Variants in PCDHA4 observed in about 807,000 individuals in gnomAD.
PCDHA4 encodes the protein protocadherin alpha 4, also known as protocadherin alpha-4.
Under a neutral mutation model 61.4 loss-of-function variants are expected in PCDHA4, and 49 were observed. The ratio of observed to expected loss-of-function variants is 0.80; its 90% CI spans 0.63 to 1.01. The LOEUF (loss-of-function observed/expected upper bound fraction) is 1.01. PCDHA4 is among the 50% of genes least tolerant of loss of function. The pLI is 0.00. For synonymous variants in PCDHA4, 590 were observed against 550.3 expected (o/e 1.07, Z -1.01); for missense variants, 1,254 against 1,235.8 (o/e 1.01, Z -0.22).
rs145430316 is a variant in PCDHA4 at position 140,849,629 on chromosome 5, C to T, written c.2385+40057C>T. The T allele has an allele frequency of 6.9e-4, 1,102 of 1,598,720 alleles. 110 individuals carry two copies. The highest frequency in any genetic ancestry group is 1.2e-3 in the South Asian group (106 of 90,564). On this transcript the variant is annotated intron_variant, in intron 1 of 3. Transcript: ENST00000530339. ...CCCTGATTAGTGTGATCGACCTAGA[C>T]GCAGATGCCAACGGGCAGGTTACCT...
At chr5:140,915,626 G>GTCTCTCTCTCTCTC (rs57920489) in intron 1 of PCDHA4, among the ~76,000 whole-genome samples, 21 of 146,534 alleles carry the variant, frequency 1.4e-4, no homozygotes, top group African/African-American at 5.0e-4. Context: ...GTCTCTTTCT[G>GTCTCTCTCTCTCTC]TCTCTCTCTC....
intron 1 of PCDHA4, chr5:140,843,774 A>G: frequency 6.9e-7 from 1 of 1,457,980 alleles, no homozygotes; most frequent in Non-Finnish European, 9.4e-7. Flanking sequence ...TAGTTACTTT[A>G]AAAGTGTTTC....
intron 1 of PCDHA4, chr5:140,851,319 T>C (rs1340345627): frequency 7.1e-6 from 7 of 992,898 alleles, no homozygotes; most frequent in Non-Finnish European, 8.6e-6. Flanking sequence ...GTTACCTTGT[T>C]AAGTTTGTAG....
intron 1 of PCDHA4, among the ~76,000 whole-genome samples, chr5:140,962,950 C>T (rs2095723700): frequency 6.6e-6 from 1 of 152,152 alleles, no homozygotes; most frequent in African/African-American, 2.4e-5. Flanking sequence ...ATAAGATATG[C>T]TCTATCCCTA....
At chr5:140,852,693 C>G in intron 1 of PCDHA4, 2 of 973,482 alleles carry the variant, frequency 2.1e-6, no homozygotes, top group Non-Finnish European at 2.5e-6. Flanking sequence ...TAGTCTTATA[C>G]TTTCAAGTAT....
intron 1 of PCDHA4, chr5:140,810,897 T>C (rs1051194245): frequency 3.9e-5 from 6 of 152,186 alleles, no homozygotes; most frequent in African/African-American, 1.4e-4. Context: ...CAAAGATAAT[T>C]TTCTGTGGTA....
chr5:140,978,233 AT>A (rs1360475808), intron 1 of PCDHA4, among the ~76,000 whole-genome samples: 2 of 152,196 alleles, frequency 1.3e-5, no homozygotes, highest in African/African-American at 4.8e-5. Context: ...TTTTTCTTGG[AT>A]TTCAGCTACT....
At chr5:140,828,955 G>C (rs1770051113) in intron 1 of PCDHA4, 1 of 1,614,090 alleles carries the variant, frequency 6.2e-7, no homozygotes, top group African/African-American at 1.3e-5. Context: ...TTGCAGCCAT[G>C]GTTATTGACC....
chr5:140,823,687 G>A, intron 1 of PCDHA4: 1 of 1,614,016 alleles, frequency 6.2e-7, no homozygotes, highest in Non-Finnish European at 8.5e-7. Context: ...CTCTCTGGAT[G>A]AGACCGAAGC....
intron 1 of PCDHA4, among the ~76,000 whole-genome samples, chr5:140,918,416 C>A (rs2078685021): frequency 6.6e-6 from 1 of 152,110 alleles, no homozygotes; most frequent in Non-Finnish European, 1.5e-5. Flanking sequence ...GCCAGGACTT[C>A]CAGTAGGATG....
chr5:140,836,144 G>T (rs2150253955), intron 1 of PCDHA4: 2 of 1,613,780 alleles, frequency 1.2e-6, no homozygotes, highest in Non-Finnish European at 1.7e-6. Context: ...CTGTGGGCGC[G>T]GGCCATGTGG....
chr5:140,898,628 C>T (rs1305030651), intron 1 of PCDHA4, among the ~76,000 whole-genome samples: 2 of 152,176 alleles, frequency 1.3e-5, no homozygotes, highest in African/African-American at 4.8e-5. Context: ...TAGCATAATG[C>T]CTCCAGCTTT....
At chr5:140,850,038 G>C (rs2150464728) in intron 1 of PCDHA4, 1 of 1,596,736 alleles carries the variant, frequency 6.3e-7, no homozygotes, top group East Asian at 2.2e-5. Flanking sequence ...CGCGGAGAGC[G>C]GCAAGGTGTA....
At chr5:140,816,507 T>TTG (rs2126672374) in intron 1 of PCDHA4, 46,838 of 149,332 alleles carry the variant, frequency 0.31, 7,468 homozygotes, top group East Asian at 0.5. Flanking sequence ...GGAGGTGTGT[T>TTG]TGTGTGTGTG....
At chr5:140,954,086 C>T (rs2094976679) in intron 1 of PCDHA4, among the ~76,000 whole-genome samples, 1 of 152,212 alleles carries the variant, frequency 6.6e-6, no homozygotes, top group African/African-American at 2.4e-5. Context: ...CTTCCAGCTC[C>T]ATCCATGTCC....
chr5:140,870,352 G>C, intron 1 of PCDHA4: 8 of 1,614,226 alleles, frequency 5.0e-6, no homozygotes, highest in Non-Finnish European at 5.9e-6. Context: ...CCGCGAGAAC[G>C]TGTGGGCCTA....
At chr5:140,980,615 C>T (rs1182621837) in intron 2 of PCDHA4, among the ~76,000 whole-genome samples, 4 of 151,596 alleles carry the variant, frequency 2.6e-5, no homozygotes, top group Admixed American at 6.6e-5. Flanking sequence ...GGCGACAGTG[C>T]GAGACTCTGT....
At chr5:140,965,291 C>T (rs1227369041) in intron 1 of PCDHA4, among the ~76,000 whole-genome samples, 1 of 152,154 alleles carries the variant, frequency 6.6e-6, no homozygotes, top group Non-Finnish European at 1.5e-5. Context: ...GGAAAGATTT[C>T]CTCTGATCCT....
At chr5:140,870,633 C>A in intron 1 of PCDHA4, 2 of 1,612,872 alleles carry the variant, frequency 1.2e-6, no homozygotes, top group Middle Eastern at 1.8e-4. Context: ...TGTCGGTGCA[C>A]GCGGAGAGCG....
Sources: allele counts gnomAD v4.1 joint callset (sites outside exome capture counted in the v4.1 genomes callset), GRCh38; gene constraint gnomAD v4.1.1; transcripts MANE v1.5; gene names NCBI Gene and HGNC (gene_info 2026-07-23, HGNC 2026-07-21).